The following PTPRD variants were observed in gnomAD, a reference collection of about 807,000 sequenced individuals.
The protein encoded by PTPRD is protein tyrosine phosphatase receptor type D.
Under a neutral mutation model 214.5 loss-of-function variants are expected in PTPRD, and 34 were observed. The ratio of observed to expected loss-of-function variants is 0.16; its 90% confidence interval spans 0.12 to 0.21. PTPRD has a LOEUF of 0.21. Ranked by LOEUF, PTPRD falls within the 10% of genes least tolerant of loss-of-function variation. The probability of loss-of-function intolerance (pLI) is 1.00; values close to 1 mark genes in which losing one functional copy is unlikely to be tolerated. For synonymous variants in PTPRD, 1,128 were observed against 845.7 expected (o/e 1.33, Z -5.79); for missense variants, 2,545 against 2,398.7 (o/e 1.06, Z -1.27).
intron 11 of PTPRD, among the ~76,000 whole-genome samples, chr9:8,895,997 T>C (rs2098607012): frequency 6.6e-6 from 1 of 152,216 alleles, no homozygotes; most frequent in African/African-American, 2.4e-5. Flanking sequence ...TCAAGAGAGC[T>C]ATTTAAAACT....
chr9:9,891,605 C>T (rs1170142945), intron 5 of PTPRD, among the ~76,000 whole-genome samples: 1 of 152,090 alleles, frequency 6.6e-6, no homozygotes, highest in East Asian at 1.9e-4. Flanking sequence ...GTCTATTCCA[C>T]TTCATCAATT....
chr9:8,545,750 C>A (rs969091118), intron 14 of PTPRD, among the ~76,000 whole-genome samples: 7 of 152,044 alleles, frequency 4.6e-5, no homozygotes, highest in East Asian at 3.9e-4. Flanking sequence ...TTTAAAAGGG[C>A]CTTTTAGCTT....
chr9:8,766,118 G>T (rs149953021), intron 11 of PTPRD, among the ~76,000 whole-genome samples: 6 of 151,216 alleles, frequency 4.0e-5, no homozygotes, highest in Non-Finnish European at 8.8e-5. Context: ...GGAAATGTAG[G>T]CTGAAAACCT....
intron 11 of PTPRD, among the ~76,000 whole-genome samples, chr9:8,849,623 G>C (rs150928421): frequency 6.6e-6 from 1 of 152,200 alleles, no homozygotes; most frequent in African/African-American, 2.4e-5. Context: ...GGATACAAGT[G>C]AGGACAGCTG....
At chr9:9,643,180 A>G (rs2096025456) in intron 7 of PTPRD, among the ~76,000 whole-genome samples, 1 of 151,882 alleles carries the variant, frequency 6.6e-6, no homozygotes, top group African/African-American at 2.4e-5. Context: ...CAGACCACAC[A>G]GTTTAGAATG....
chr9:8,383,002 T>C (rs2135341230), intron 37 of PTPRD, among the ~76,000 whole-genome samples: 1 of 152,312 alleles, frequency 6.6e-6, no homozygotes, highest in East Asian at 1.9e-4. Context: ...AGAATTAGTC[T>C]GCCACTGGCC....
At chr9:10,196,695 G>T (rs1430352749) in intron 3 of PTPRD, among the ~76,000 whole-genome samples, 1 of 152,138 alleles carries the variant, frequency 6.6e-6, no homozygotes, top group Non-Finnish European at 1.5e-5. Context: ...GGTAGGCATA[G>T]TTACCTCAGG....
chr9:9,123,865 C>A (rs909932234), intron 10 of PTPRD, among the ~76,000 whole-genome samples: 1 of 152,086 alleles, frequency 6.6e-6, no homozygotes, highest in Non-Finnish European at 1.5e-5. Flanking sequence ...TCACAGTCAA[C>A]CACATTGTGT....
intron 3 of PTPRD, among the ~76,000 whole-genome samples, chr9:10,067,806 GATGACCTAATAA>G (rs1356894767): frequency 6.6e-6 from 1 of 151,804 alleles, no homozygotes; most frequent in Non-Finnish European, 1.5e-5. Context: ...TAGATGCAGT[GATGACCTAATAA>G]ATGTTTAATA....
chr9:10,414,381 C>T (rs1032234731), intron 2 of PTPRD, among the ~76,000 whole-genome samples: 11 of 151,952 alleles, frequency 7.2e-5, no homozygotes, highest in Admixed American at 2.0e-4. Flanking sequence ...ATCAAAACCA[C>T]AGTGAGATAC....
intron 5 of PTPRD, among the ~76,000 whole-genome samples, chr9:9,787,323 C>T (rs2098932299): frequency 6.6e-6 from 1 of 150,540 alleles, no homozygotes; most frequent in Non-Finnish European, 1.5e-5. Context: ...TCTTTGTCAG[C>T]TTCCAGGTAA....
chr9:8,708,080 T>C (rs957007079), intron 12 of PTPRD, among the ~76,000 whole-genome samples: 4 of 152,174 alleles, frequency 2.6e-5, no homozygotes, highest in African/African-American at 9.6e-5. Flanking sequence ...CTAAGGCACC[T>C]CTGAAATAAA....
At chr9:9,944,236 T>C (rs1277840555) in intron 4 of PTPRD, among the ~76,000 whole-genome samples, 1 of 152,144 alleles carries the variant, frequency 6.6e-6, no homozygotes, top group Admixed American at 6.6e-5. Flanking sequence ...CAAAACTCCT[T>C]AACAACCTAT....
Position 10,053,966 on chromosome 9 carries a change from C to A in PTPRD, c.-544-20176G>T, listed in dbSNP as rs549270780. ...TAAAGACGAGGTTTCATCATGTTGG[C>A]CAGGCTGGTTTTGAACTCCTGACCT... On this transcript the variant is annotated intron_variant, in intron 3 of 45. Coordinates refer to ENST00000381196, the MANE Select transcript of PTPRD (RefSeq NM_002839.4). Among the ~76,000 whole-genome samples, 83 of 152,144 alleles carry A rather than the reference C, an allele frequency of 5.5e-4. 1 individual carries two copies. The highest frequency in any genetic ancestry group is 5.0e-3 in the South Asian group (24 of 4,816).
At chr9:10,091,629 G>A (rs920109411) in intron 3 of PTPRD, among the ~76,000 whole-genome samples, 2 of 151,416 alleles carry the variant, frequency 1.3e-5, no homozygotes, top group African/African-American at 4.8e-5. Flanking sequence ...TCAATTAAAC[G>A]ACAGGAAATG....
At chr9:8,392,759 G>C (rs1500331) in intron 36 of PTPRD, among the ~76,000 whole-genome samples, 26,650 of 152,072 alleles carry the variant, frequency 0.18, 2,796 homozygotes, top group Non-Finnish European at 0.24. Flanking sequence ...CTCTCTCACA[G>C]ATCCTCTGCA....
intron 8 of PTPRD, among the ~76,000 whole-genome samples, chr9:9,509,995 G>A (rs533906376): frequency 8.6e-5 from 13 of 151,710 alleles, no homozygotes; most frequent in Admixed American, 4.0e-4. Flanking sequence ...AGAAGAGTGA[G>A]AAATCAGAAC....
intron 12 of PTPRD, among the ~76,000 whole-genome samples, chr9:8,670,211 A>G (rs979417477): frequency 6.6e-6 from 1 of 152,148 alleles, no homozygotes; most frequent in Admixed American, 6.6e-5. Flanking sequence ...ACACAACTGT[A>G]TTAACTTTAG....
chr9:8,977,005 T>C (rs962561859), intron 11 of PTPRD, among the ~76,000 whole-genome samples: 8 of 152,122 alleles, frequency 5.3e-5, no homozygotes, highest in African/African-American at 1.9e-4. Flanking sequence ...AAAAGAGCCA[T>C]CCAAAAATGA....
Sources: gnomAD v4.1 joint callset for allele counts (sites outside exome capture counted in the v4.1 genomes callset) on GRCh38, gnomAD v4.1.1 for gene constraint, MANE v1.5 for transcripts, NCBI Gene and HGNC (gene_info 2026-07-23, HGNC 2026-07-21) for gene names.